The following PTPN3 variants were observed in gnomAD, a reference collection of about 807,000 sequenced individuals.
The protein encoded by PTPN3 is protein tyrosine phosphatase non-receptor type 3.
A neutral mutation model predicts 132.7 loss-of-function variants in PTPN3; 96 were observed. The ratio of observed to expected loss-of-function variants is 0.72; its 90% CI spans 0.61 to 0.86. PTPN3 has a LOEUF of 0.86. PTPN3 is among the 40% of genes least tolerant of loss of function. The pLI, the probability that PTPN3 is intolerant of heterozygous loss-of-function variation, is 0.00. For synonymous variants in PTPN3, 398 were observed against 429.0 expected, an observed-to-expected ratio of 0.93 and a Z score of 0.89; for missense variants, 1,125 against 1,159.6, an observed-to-expected ratio of 0.97 and a Z score of 0.43.
At chr9:109,463,172 AAGATCTG>A in intron 2 of PTPN3, 118 bp downstream of exon 2, 1 of 1,050,014 alleles carries the variant, frequency 9.5e-7, no homozygotes, top group Non-Finnish European at 1.3e-6. Flanking sequence ...CTCAACATAC[AAGATCTG>A]AGATCTCAAG....
At chr9:109,382,835 G>A (rs995566270) in intron 23 of PTPN3, among the ~76,000 whole-genome samples, 6 of 151,014 alleles carry the variant, frequency 4.0e-5, no homozygotes, top group South Asian at 4.2e-4. Flanking sequence ...ACAGTTCAGC[G>A]GCATTGAGAA....
At chr9:109,391,060 A>G in intron 21 of PTPN3, 78 bp downstream of exon 21, 1 of 1,347,032 alleles carries the variant, frequency 7.4e-7, no homozygotes, top group Non-Finnish European at 1.0e-6. Flanking sequence ...TGTCAACTGC[A>G]AAGCCCCACA....
intron 2 of PTPN3, among the ~76,000 whole-genome samples, chr9:109,462,374 T>C (rs900130597): frequency 6.6e-6 from 1 of 152,240 alleles, no homozygotes; most frequent in Non-Finnish European, 1.5e-5. Context: ...CAAACTTGTA[T>C]GGGGTGTGCG....
chr9:109,410,257 T>C lies in PTPN3; in HGVS notation c.1472A>G (p.Glu491Gly). The change falls in exon 15 of 26, where the codon GAG (glutamate) becomes GGG (glycine). Residue 491 changes from glutamate (E) to glycine (G), a missense_variant. By Grantham distance (98) the Glu-to-Gly change is moderately conservative. Transcript: ENST00000374541. ...FHRVTKGGST[E>G]DASQYYCDKN... Reference sequence around the variant, plus strand: ...GTCACAGTAGTACTGGCTGGCGTCCTCGGTGGAGCCCCCTTTGGTCACCCT... The same window carrying C: ...GTCACAGTAGTACTGGCTGGCGTCCCCGGTGGAGCCCCCTTTGGTCACCCT... 6.2e-7 allele frequency: 1 copy of C among 1,614,152 alleles called. No individual in the cohort carries two copies. The highest frequency in any genetic ancestry group is 8.5e-7 in the Non-Finnish European group (1 of 1,180,026).
At chr9:109,421,963 A>G (rs1039965547) in intron 13 of PTPN3, among the ~76,000 whole-genome samples, 9 of 152,230 alleles carry the variant, frequency 5.9e-5, no homozygotes, top group African/African-American at 2.2e-4. Flanking sequence ...GGAGGTATTC[A>G]CAAAAATGGT....
At chr9:109,479,012 T>C (rs796344806) in intron 1 of PTPN3, among the ~76,000 whole-genome samples, 3 of 151,674 alleles carry the variant, frequency 2.0e-5, no homozygotes, top group South Asian at 4.2e-4. Flanking sequence ...AACAAGCGTT[T>C]TTTTTTTTTT....
At chr9:109,412,394 A>C (rs1362946688) in intron 14 of PTPN3, among the ~76,000 whole-genome samples, 1 of 140,582 alleles carries the variant, frequency 7.1e-6, no homozygotes, top group African/African-American at 2.8e-5. Flanking sequence ...TTTTTTTTTG[A>C]GTCAAAGTCT....
At chr9:109,533,967 C>T in the PTPN3 span, 14 of 757,170 alleles carry the variant, frequency 1.8e-5, no homozygotes, top group South Asian at 5.8e-5. Context: ...ACATGTGCTG[C>T]CTCTGCACCC....
intron 6 of PTPN3, among the ~76,000 whole-genome samples, chr9:109,447,531 TG>T (rs2131986000): frequency 6.6e-6 from 1 of 152,210 alleles, no homozygotes; most frequent in South Asian, 2.1e-4. Flanking sequence ...CTACCTTGAA[TG>T]GCAGGATGAG....
intron 22 of PTPN3, among the ~76,000 whole-genome samples, chr9:109,386,284 G>A (rs1036427333): frequency 3.3e-5 from 5 of 152,338 alleles, no homozygotes; most frequent in Middle Eastern, 3.4e-3. Flanking sequence ...TGGATAACAT[G>A]CCAAAGAAGG....
intron 5 of PTPN3, among the ~76,000 whole-genome samples, chr9:109,452,094 C>A (rs576645048): frequency 6.6e-6 from 1 of 151,846 alleles, no homozygotes; most frequent in South Asian, 2.1e-4. Context: ...ATGGTGAAAC[C>A]CCACCTCTCC....
chr9:109,483,756 A>G (rs1219805507), intron 1 of PTPN3, among the ~76,000 whole-genome samples: 1 of 152,182 alleles, frequency 6.6e-6, no homozygotes, highest in Admixed American at 6.5e-5. Context: ...AGACGCCTGG[A>G]AACACCTGCC....
chr9:109,391,038 G>C, intron 21 of PTPN3, 100 bp downstream of exon 21: 1 of 1,072,590 alleles, frequency 9.3e-7, no homozygotes, highest in Non-Finnish European at 1.4e-6. Context: ...GGTGGTGAAC[G>C]GGAAAGCACT....
chr9:109,395,342 AAGCT>A (rs1442530224), intron 19 of PTPN3, among the ~76,000 whole-genome samples: 8 of 152,242 alleles, frequency 5.3e-5, no homozygotes, highest in Non-Finnish European at 8.8e-5. Context: ...TTTTTACAAA[AAGCT>A]AGGTGGACAA....
chr9:109,414,283 C>A (rs897489332), intron 14 of PTPN3, among the ~76,000 whole-genome samples: 77 of 152,346 alleles, frequency 5.1e-4, no homozygotes, highest in African/African-American at 1.8e-3. Flanking sequence ...TGCACAGGAA[C>A]CAGCTGGGGT....
intron 7 of PTPN3, among the ~76,000 whole-genome samples, chr9:109,440,253 C>A (rs944701307): frequency 6.6e-5 from 10 of 152,210 alleles, no homozygotes; most frequent in African/African-American, 1.9e-4. Flanking sequence ...GCTGTTAAGG[C>A]CAGCCAAATG....
intron 22 of PTPN3, 92 bp downstream of exon 22, chr9:109,389,141 G>A: frequency 1.4e-6 from 2 of 1,479,266 alleles, no homozygotes; most frequent in Non-Finnish European, 1.8e-6. Flanking sequence ...TGGACCAGGA[G>A]ACGCTGAAGA....
chr9:109,415,398 G>T (rs1842414047), intron 14 of PTPN3, among the ~76,000 whole-genome samples: 2 of 151,986 alleles, frequency 1.3e-5, no homozygotes, highest in African/African-American at 4.8e-5. Context: ...TAGTCAAGTG[G>T]GAAAAAAGGC....
the PTPN3 span, among the ~76,000 whole-genome samples, chr9:109,508,785 T>C: frequency 6.6e-6 from 1 of 152,212 alleles, no homozygotes; most frequent in African/African-American, 2.4e-5. Context: ...AAGGTATAAC[T>C]AATCTGTGAT....
Sources: allele counts gnomAD v4.1 joint callset (sites outside exome capture counted in the v4.1 genomes callset), GRCh38; gene constraint gnomAD v4.1.1; transcripts MANE v1.5; gene names NCBI Gene and HGNC (gene_info 2026-07-23, HGNC 2026-07-21).